AGXT: variants seen among roughly 807,000 people sequenced by gnomAD.
AGXT encodes L-alanine: glyoxylate aminotransferase 1.
In AGXT, 41 loss-of-function variants were observed where a neutral mutation model predicts 46.9. The observed-to-expected ratio is 0.88, with a 90% confidence interval of 0.68 to 1.14. The LOEUF (loss-of-function observed/expected upper bound fraction) is 1.14. Among genes scored for constraint, AGXT ranks in the 50% most tolerant of loss-of-function variants. AGXT has a pLI of 0.00. For missense variants in AGXT, 525 were observed against 522.7 expected, an observed-to-expected ratio of 1.00 and a Z score of -0.04; for synonymous variants, 244 against 227.9, an observed-to-expected ratio of 1.07 and a Z score of -0.64.
At position 240,872,931 on chromosome 2, in the gene AGXT, G is replaced by C. The variant is rs755134732; in HGVS notation, c.525-48G>C. On this transcript the variant is annotated intron_variant, in intron 4 of 10. Transcript: ENST00000307503. ...CAGCCTGGGGCCAGGCCCTCCAGTG[G>C]CCCCCTGCCTCACCTGCTGCCCTCC... 3 of 1,528,642 alleles carry C rather than the reference G, an allele frequency of 2.0e-6. No individual in the cohort carries two copies. The African/African-American group carries it at 4.1e-5, about 21-fold the overall frequency. 94.7% of individuals were successfully genotyped at this position (1,528,642 alleles called of 1,614,324 possible).
chr2:240,871,268 G>C, intron 3 of AGXT, 81 bp from the exon 4 acceptor site: 1 of 1,237,526 alleles, frequency 8.1e-7, no homozygotes, highest in Non-Finnish European at 1.1e-6. Context: ...ACCTGGAGCT[G>C]TGCCACCCAT....
At chr2:240,872,264 A>AGGC (rs1380110433) in intron 4 of AGXT, among the ~76,000 whole-genome samples, 2 of 87,416 alleles carry the variant, frequency 2.3e-5, no homozygotes, top group Admixed American at 1.1e-4. Flanking sequence ...GTGAACATGC[A>AGGC]GGAGGAGGGT....
chr2:240,878,599 C>T (rs1039504381), intron 10 of AGXT, 115 bp from the exon 11 acceptor site: 6 of 979,028 alleles, frequency 6.1e-6, no homozygotes, highest in East Asian at 2.6e-5. Flanking sequence ...CCCTCATGGA[C>T]GCTGGGTGGG....
In AGXT at chr2:240,869,003, C is replaced by T. The variant is rs200488482; in HGVS notation, c.138C>T (p.Ile46=). 3.3e-5 allele frequency: 53 copies of T among 1,612,836 alleles called. No homozygotes were observed. In the East Asian group the frequency reaches 3.3e-4, roughly 10 times the overall value. Residue 46 remains isoleucine (I), a synonymous_variant, in exon 1 of 11, where the codon ATC becomes ATT. Transcript: ENST00000307503. ...RIMAAGGLQM[I]GSMSKDMYQI... ...TGGCAGCCGGGGGGCTGCAGATGAT[C>T]GGGTCCATGAGCAAGGATATGTACC...
chr2:240,872,449 C>CGG (rs2058997253), intron 4 of AGXT, among the ~76,000 whole-genome samples: 3 of 50,062 alleles, frequency 6.0e-5, no homozygotes, highest in East Asian at 5.0e-4. Flanking sequence ...CGTGAACATG[C>CGG]AGGAGGAGGA....
Position 240,873,028 on chromosome 2 carries a change from C to A in AGXT, c.574C>A (p.Pro192Thr). The A allele has an allele frequency of 6.2e-7, 1 of 1,613,906 alleles. No individual in the cohort carries two copies. Among genetic ancestry groups the A allele is most frequent in the South Asian group, 1.1e-5 (1 of 91,084 alleles). ...TTCGGTGGCATCCCTGGGCGGGACC[C>A]CCCTTTACATGGACCGGCAAGGTAA... ...VDSVASLGGT[P>T]LYMDRQGIDI... Residue 192 changes from proline to threonine, a missense_variant, in exon 5 of 11, where the codon CCC (proline) becomes ACC (threonine). Pro to Thr is a conservative substitution (Grantham distance 38, BLOSUM62 -1). Transcript: ENST00000307503.
At chr2:240,873,837 C>G in intron 5 of AGXT, 141 bp from the exon 6 acceptor site, 1 of 799,026 alleles carries the variant, frequency 1.3e-6, no homozygotes, top group Non-Finnish European at 2.1e-6. Flanking sequence ...CCCAGGACTC[C>G]CTTCCACATC....
rs116124559 is a variant in AGXT at position 240,873,200 on chromosome 2, G to A, written c.595+151G>A. On this transcript the variant is annotated intron_variant, in intron 5 of 10. Coordinates refer to ENST00000307503, the MANE Select transcript of AGXT (RefSeq NM_000030.3). ...CAGGGAAACACTCACTCCTTACTGC[G>A]GCAAGAGCGGCTCCATGAACTACCC... The A allele has an allele frequency of 6.6e-3, 4,356 of 659,292 alleles. 137 individuals carry two copies. The African/African-American group carries it at 0.069, about 10-fold the overall frequency. The allele number at this position is 659,292 out of a possible 1,614,324, so 40.8% of individuals were successfully genotyped here.
At position 240,869,042 on chromosome 2, in the gene AGXT, G is replaced by C. The variant is rs201989825; in HGVS notation, c.165+12G>C. ...AGGATATGTACCAGGTAGGAGTGGGGGTCACTCGGGGGGCCTGGGTCTCAC... is the reference window on the plus strand; with the variant it reads ...AGGATATGTACCAGGTAGGAGTGGGCGTCACTCGGGGGGCCTGGGTCTCAC... On this transcript the variant is annotated intron_variant, in intron 1 of 10. Coordinates refer to ENST00000307503, the MANE Select transcript of AGXT (RefSeq NM_000030.3). 1.3e-5 allele frequency: 16 copies of C among 1,250,712 alleles called. No individual in the cohort carries two copies. The South Asian group carries it at 1.8e-4, about 14-fold the overall frequency. 77.5% of individuals were successfully genotyped at this position (1,250,712 alleles called of 1,614,324 possible). A position where few individuals can be genotyped will look rare whatever the true frequency, so the allele number is the denominator to read the frequency against.
At chr2:240,872,084 G>C (rs531898405) in intron 4 of AGXT, among the ~76,000 whole-genome samples, 1 of 152,238 alleles carries the variant, frequency 6.6e-6, no homozygotes, top group Non-Finnish European at 1.5e-5. Flanking sequence ...CCCCACCTGC[G>C]GCCAGCACGA....
At chr2:240,869,436 G>C in intron 2 of AGXT, 74 bp downstream of exon 2, 1 of 1,483,114 alleles carries the variant, frequency 6.7e-7, no homozygotes, top group Non-Finnish European at 9.0e-7. Flanking sequence ...TCTGTTTGAA[G>C]CTGGCAGCCC....
At chr2:240,874,195 C>A in intron 6 of AGXT, 133 bp downstream of exon 6, 1 of 906,740 alleles carries the variant, frequency 1.1e-6, no homozygotes, top group Non-Finnish European at 1.7e-6. Context: ...GCTCTCCCGC[C>A]CACCCTCTGG....
chr2:240,871,966 A>C (rs2058993177), intron 4 of AGXT, among the ~76,000 whole-genome samples: 1 of 152,224 alleles, frequency 6.6e-6, no homozygotes, highest in South Asian at 2.1e-4. Context: ...ACGGCCAGGG[A>C]GGGTCCTTCT....
chr2:240,876,142 G>A, intron 8 of AGXT, 138 bp downstream of exon 8: 1 of 1,082,054 alleles, frequency 9.2e-7, no homozygotes, highest in Non-Finnish European at 1.4e-6. Flanking sequence ...GGGGGTGGGG[G>A]AGAGAGGACA....
chr2:240,878,255 C>A, intron 10 of AGXT, 105 bp downstream of exon 10: 1 of 1,518,290 alleles, frequency 6.6e-7, no homozygotes. Context: ...CATCCGAAAG[C>A]CCAGATTGCA....
At chr2:240,873,282 G>A (rs1195941993) in intron 5 of AGXT, 2 of 550,868 alleles carry the variant, frequency 3.6e-6, no homozygotes, top group Non-Finnish European at 6.5e-6. Flanking sequence ...TGGCAGGAGG[G>A]ACAGCTTCTG....
intron 10 of AGXT, 78 bp downstream of exon 10, chr2:240,878,228 G>A: frequency 6.3e-7 from 1 of 1,585,156 alleles, no homozygotes; most frequent in Non-Finnish European, 8.6e-7. Context: ...TGCACCAGGT[G>A]CAGGGGAGGC....
Position 240,874,029 on chromosome 2 carries a change from G to A in AGXT, c.647G>A (p.Gly216Glu), listed in dbSNP as rs757883007. 6.2e-7 allele frequency: 1 copy of A among 1,613,702 alleles called. No individual in the cohort carries two copies. Among genetic ancestry groups the A allele is most frequent in the South Asian group, 1.1e-5 (1 of 91,082 alleles). Reference protein sequence around the residue: ...GSQKALNAPPGTSLISFSDKA... With the variant: ...GSQKALNAPPETSLISFSDKA... ...CAGAAGGCCCTGAACGCCCCTCCAGGGACCTCGCTCATCTCCTTCAGTGAC... is the reference window on the plus strand; with the variant it reads ...CAGAAGGCCCTGAACGCCCCTCCAGAGACCTCGCTCATCTCCTTCAGTGAC... Residue 216 changes from glycine (G) to glutamate (E), a missense_variant, in exon 6 of 11, where the codon GGG becomes GAG. Physicochemically the swap from Gly to Glu is moderately conservative, Grantham distance 98 (BLOSUM62 -2). Coordinates refer to ENST00000307503, the MANE Select transcript of AGXT (RefSeq NM_000030.3).
chr2:240,870,540 G>A (rs2058985516), intron 2 of AGXT, 104 bp from the exon 3 acceptor site: 2 of 1,356,754 alleles, frequency 1.5e-6, no homozygotes, highest in East Asian at 2.5e-5. Flanking sequence ...ACGGTGGGTG[G>A]GGTCCAGCCC....
Sources: gnomAD v4.1 joint callset for allele counts (sites outside exome capture counted in the v4.1 genomes callset) on GRCh38, gnomAD v4.1.1 for gene constraint, MANE v1.5 for transcripts, NCBI Gene and HGNC (gene_info 2026-07-23, HGNC 2026-07-21) for gene names.